Variants in HTT-AS observed in about 807,000 individuals in gnomAD.
HTT-AS encodes the protein HTT antisense RNA.
chr4:3,057,637 T>C (rs190430494), intron 2 of HTT-AS, among the ~76,000 whole-genome samples: 1 of 152,212 alleles, frequency 6.6e-6, no homozygotes, highest in Admixed American at 6.5e-5. Flanking sequence ...TTTCTTTTTA[T>C]TTATTTATTT....
intron 1 of HTT-AS, among the ~76,000 whole-genome samples, chr4:3,065,474 C>T (rs1712029507): frequency 6.6e-6 from 1 of 152,122 alleles, no homozygotes. Context: ...GAACTCCCAA[C>T]CTCACGTACT....
chr4:3,046,952 G>A (rs1016272868), downstream of HTT-AS, among the ~76,000 whole-genome samples: 6 of 152,128 alleles, frequency 3.9e-5, no homozygotes, highest in Non-Finnish European at 7.4e-5. Flanking sequence ...CCACCCAGCT[G>A]CCAAGGCAAG....
At chr4:3,068,100 C>T (rs28584232) in intron 1 of HTT-AS, among the ~76,000 whole-genome samples, 8,824 of 150,592 alleles carry the variant, frequency 0.059, 454 homozygotes, top group African/African-American at 0.14. Context: ...GGTCAGGAGA[C>T]CAAGACCATC....
At chr4:3,051,030 TTGTGTG>T (rs59615689) in intron 2 of HTT-AS, among the ~76,000 whole-genome samples, 2,831 of 122,498 alleles carry the variant, frequency 0.023, 67 homozygotes, top group African/African-American at 0.065. Flanking sequence ...CCCTTACAAT[TTGTGTG>T]TGTGTGTGTG....
At chr4:3,062,371 C>G (rs1711945889) in intron 2 of HTT-AS, among the ~76,000 whole-genome samples, 1 of 152,174 alleles carries the variant, frequency 6.6e-6, no homozygotes, top group African/African-American at 2.4e-5. Context: ...AGTTCCCTCT[C>G]CAAAACCTCA....
chr4:3,074,350 C>T (rs1487712890), intron 1 of HTT-AS: 3 of 143,746 alleles, frequency 2.1e-5, no homozygotes, highest in African/African-American at 8.0e-5. Flanking sequence ...CGCCACGCCT[C>T]CCTTACCATG....
At chr4:3,053,426 A>G (rs1470470737) in intron 2 of HTT-AS, among the ~76,000 whole-genome samples, 11 of 151,948 alleles carry the variant, frequency 7.2e-5, no homozygotes, top group African/African-American at 2.7e-4. Flanking sequence ...CCAGCTACTC[A>G]GGAGGCTGAG....
chr4:3,054,286 TA>T (rs1711767635), intron 2 of HTT-AS, among the ~76,000 whole-genome samples: 1 of 151,814 alleles, frequency 6.6e-6, no homozygotes, highest in Admixed American at 6.6e-5. Context: ...GAGGGGTGTT[TA>T]AAAAGAGGAG....
At chr4:3,047,047 T>C (rs1290402190), downstream of HTT-AS, among the ~76,000 whole-genome samples, 6 of 152,196 alleles carry the variant, frequency 3.9e-5, no homozygotes, top group Non-Finnish European at 8.8e-5. Context: ...CGCAGTGGCT[T>C]ACGCCTATAA....
chr4:3,054,719 T>A (rs1711774499), intron 2 of HTT-AS, among the ~76,000 whole-genome samples: 1 of 151,380 alleles, frequency 6.6e-6, no homozygotes, highest in African/African-American at 2.4e-5. Context: ...CTTTTCTTTC[T>A]ATTTTTTTTT....
intron 2 of HTT-AS, among the ~76,000 whole-genome samples, chr4:3,053,262 T>C (rs1711746462): frequency 6.6e-6 from 1 of 151,806 alleles, no homozygotes; most frequent in South Asian, 2.1e-4. Flanking sequence ...GCCAGGCACA[T>C]TGGCTCACGC....
intron 1 of HTT-AS, among the ~76,000 whole-genome samples, chr4:3,066,205 C>T (rs1712053625): frequency 6.6e-6 from 1 of 152,072 alleles, no homozygotes; most frequent in Admixed American, 6.5e-5. Flanking sequence ...GCGTCTCACT[C>T]TGTTGCCAGG....
rs145604786 is a variant in HTT-AS at position 3,058,984 on chromosome 4, T to C, written n.1380+3450A>G. 1.3e-4 allele frequency among the ~76,000 whole-genome samples: 20 copies of C among 152,284 alleles called. 1 individual carries two copies. The highest frequency in any genetic ancestry group is 4.3e-4 in the African/African-American group (18 of 41,562). On this transcript the variant is annotated intron_variant and non_coding_transcript_variant, in intron 2 of 2. Transcript: ENST00000664062. ...ATACAGCCGCGTTGGCCTCCCAAAGTGTTGGGATTACAAGCATGAGCTACC... is the reference window on the plus strand; with the variant it reads ...ATACAGCCGCGTTGGCCTCCCAAAGCGTTGGGATTACAAGCATGAGCTACC...
exon 1 of HTT-AS, chr4:3,074,454 C>G (rs13122415): frequency 0.082 from 16,993 of 207,178 alleles, 1,118 homozygotes; most frequent in African/African-American, 0.19. Flanking sequence ...CGCCCCGTCC[C>G]CTCTCCGTTG....
chr4:3,062,752 C>T (rs773095447), exon 2 of HTT-AS, among the ~76,000 whole-genome samples: 1 of 151,940 alleles, frequency 6.6e-6, no homozygotes, highest in African/African-American at 2.4e-5. Flanking sequence ...CGGTTTCCCA[C>T]GACATTCCTT....
chr4:3,051,678 C>G (rs997002798), intron 2 of HTT-AS, among the ~76,000 whole-genome samples: 1 of 151,134 alleles, frequency 6.6e-6, no homozygotes, highest in Non-Finnish European at 1.5e-5. Context: ...CACTGCTTAT[C>G]TCCTCTGTAA....
At chr4:3,050,599 C>T (rs1711683211) in intron 2 of HTT-AS, among the ~76,000 whole-genome samples, 1 of 152,154 alleles carries the variant, frequency 6.6e-6, no homozygotes, top group South Asian at 2.1e-4. Context: ...GTGGAAATGA[C>T]TTTAAATAGT....
intron 1 of HTT-AS, among the ~76,000 whole-genome samples, chr4:3,065,390 A>G (rs1432817551): frequency 2.6e-5 from 4 of 151,568 alleles, no homozygotes; most frequent in Non-Finnish European, 5.9e-5. Flanking sequence ...ACAGGCGCGC[A>G]CCACCATGCC....
chr4:3,055,141 G>C (rs976459853), intron 2 of HTT-AS, among the ~76,000 whole-genome samples: 2 of 151,924 alleles, frequency 1.3e-5, no homozygotes, highest in Non-Finnish European at 2.9e-5. Context: ...GAGGTCAGGA[G>C]ATCGAGACCA....
Sources: allele counts gnomAD v4.1 joint callset (sites outside exome capture counted in the v4.1 genomes callset), GRCh38; gene constraint gnomAD v4.1.1; transcripts MANE v1.5; gene names NCBI Gene and HGNC (gene_info 2026-07-23, HGNC 2026-07-21).